Variants in ZFHX3 observed in about 807,000 individuals in gnomAD.
The protein encoded by ZFHX3 is zinc finger homeobox protein 3.
In ZFHX3, 42 loss-of-function variants were observed where a neutral mutation model predicts 279.1. The observed-to-expected ratio is 0.15, with a 90% CI of 0.12 to 0.19. The LOEUF (loss-of-function observed/expected upper bound fraction) is 0.19, where lower values mean the gene tolerates loss of function less well. ZFHX3 is among the 10% of genes least tolerant of loss of function. ZFHX3 has a pLI of 1.00. For missense variants in ZFHX3, 4,981 were observed against 4,754.0 expected (o/e 1.05, Z -1.40); for synonymous variants, 2,293 against 1,957.8 (o/e 1.17, Z -4.52).
chr16:73,837,376 T>C (rs1961170231), intron 1 of ZFHX3, among the ~76,000 whole-genome samples: 1 of 152,370 alleles, frequency 6.6e-6, no homozygotes, highest in East Asian at 1.9e-4. Flanking sequence ...TAACAGGCTG[T>C]GATCTTCCAT....
chr16:73,448,686 GT>G (rs2018231492), intron 3 of ZFHX3, among the ~76,000 whole-genome samples: 1 of 5,038 alleles, frequency 2.0e-4, no homozygotes, highest in African/African-American at 2.9e-4. Context: ...ATTTATATAC[GT>G]GTGTGTGTGT....
chr16:73,339,567 T>C (rs907507324), intron 3 of ZFHX3, among the ~76,000 whole-genome samples: 5 of 152,250 alleles, frequency 3.3e-5, no homozygotes, highest in Non-Finnish European at 1.5e-5. Flanking sequence ...AAAGTACTAA[T>C]ATATTTTTCT....
intron 1 of ZFHX3, among the ~76,000 whole-genome samples, chr16:73,769,346 C>T (rs543363632): frequency 2.0e-5 from 3 of 152,254 alleles, no homozygotes; most frequent in African/African-American, 7.2e-5. Flanking sequence ...AGCTGCTAGG[C>T]CCCTAACGAG....
intron 5 of ZFHX3, among the ~76,000 whole-genome samples, chr16:73,207,890 A>C (rs996684489): frequency 6.6e-6 from 1 of 152,170 alleles, no homozygotes; most frequent in East Asian, 1.9e-4. Flanking sequence ...GAAGAAAAAA[A>C]TTGGCAACAG....
intron 2 of ZFHX3, among the ~76,000 whole-genome samples, chr16:73,557,365 A>G (rs1304822363): frequency 6.6e-6 from 1 of 152,158 alleles, no homozygotes; most frequent in Non-Finnish European, 1.5e-5. Flanking sequence ...ACCTCAAGAG[A>G]GGATTCTTGG....
In ZFHX3 at chr16:72,798,437, C is replaced by T. The variant is rs777586586; in HGVS notation, c.4245G>A (p.Lys1415=). Residue 1415 remains lysine (K), a synonymous_variant, in exon 9 of 10, where the codon AAG becomes AAA. Coordinates refer to ENST00000268489, the MANE Select transcript of ZFHX3 (RefSeq NM_006885.4). ...QCSLAFKTIE[K]LQLHSQYHVI... ...CATGGTACTGAGAATGGAGCTGCAA[C>T]TTTTCAATGGTCTTGAAGGCCAGGC... 1.2e-5 allele frequency: 19 copies of T among 1,614,094 alleles called. No homozygotes were observed. Among genetic ancestry groups the T allele is most frequent in the Non-Finnish European group, 1.5e-5 (18 of 1,180,046 alleles).
intron 1 of ZFHX3, among the ~76,000 whole-genome samples, chr16:73,882,450 A>C (rs901845623): frequency 6.6e-6 from 1 of 151,800 alleles, no homozygotes; most frequent in Non-Finnish European, 1.5e-5. Context: ...AGAAGAATTA[A>C]GCTTTTAAAG....
chr16:73,367,867 C>CT lies in ZFHX3; in HGVS notation c.-1290-49532dup, dbSNP rs10718886. ...ATATACATAGAGGATTAAGGAAGGT[C>CT]TTTTTTTTTTTTTTTTTTTGAGACA... On this transcript the variant is annotated intron_variant, in intron 3 of 17. Coordinates refer to the ZFHX3 transcript ENST00000641206. 6.2e-3 allele frequency among the ~76,000 whole-genome samples: 715 copies of CT among 115,394 alleles called. 20 individuals are homozygous for CT. Among genetic ancestry groups the CT allele is most frequent in the African/African-American group, 0.018 (615 of 33,680 alleles). 75.7% of individuals were successfully genotyped at this position (115,394 alleles called of 152,430 possible). A position where few individuals can be genotyped will look rare whatever the true frequency, so the allele number is the denominator to read the frequency against.
At chr16:72,905,028 C>G (rs554475578) in intron 3 of ZFHX3, among the ~76,000 whole-genome samples, 1 of 152,006 alleles carries the variant, frequency 6.6e-6, no homozygotes, top group East Asian at 1.9e-4. Flanking sequence ...TTGGTAGAGA[C>G]GGGGTTTCAT....
chr16:73,487,914 T>C (rs1036404089), intron 2 of ZFHX3, among the ~76,000 whole-genome samples: 4 of 152,114 alleles, frequency 2.6e-5, no homozygotes, highest in Non-Finnish European at 4.4e-5. Context: ...AGAACCTACA[T>C]GGAAAGAGAG....
intron 2 of ZFHX3, among the ~76,000 whole-genome samples, chr16:73,542,595 T>C: frequency 6.6e-6 from 1 of 152,220 alleles, no homozygotes; most frequent in East Asian, 1.9e-4. Flanking sequence ...AGTGACTTGA[T>C]ATCATTATCT....
rs1597265765 is a variant in ZFHX3, at chr16:73,290,988, T to A, written c.-1194+27252A>T. Among the ~76,000 whole-genome samples, 3 of 152,292 alleles carry A rather than the reference T, an allele frequency of 2.0e-5. No homozygotes were observed. In the East Asian group the frequency reaches 5.8e-4, roughly 29 times the overall value. On this transcript the variant is annotated intron_variant, in intron 4 of 17. Coordinates refer to the ZFHX3 transcript ENST00000641206. ...AACCTTCTGACCAGGGCTGGTGATATCTGCAGCAGATCAGGAGGGCTTAGA... is the reference window on the plus strand; with the variant it reads ...AACCTTCTGACCAGGGCTGGTGATAACTGCAGCAGATCAGGAGGGCTTAGA...
chr16:73,261,668 G>GATTTTTTTTT (rs1242491554), intron 4 of ZFHX3, among the ~76,000 whole-genome samples: 3 of 80,716 alleles, frequency 3.7e-5, no homozygotes, highest in African/African-American at 9.5e-5. Flanking sequence ...TCCTGTGATT[G>GATTTTTTTTT]TTTTTTTTTT....
At chr16:73,697,510 T>C (rs1431034694) in intron 1 of ZFHX3, among the ~76,000 whole-genome samples, 1 of 152,192 alleles carries the variant, frequency 6.6e-6, no homozygotes, top group Non-Finnish European at 1.5e-5. Flanking sequence ...CAAGTTGCTA[T>C]ATACCTGACA....
At chr16:72,826,001 G>C (rs568023571) in intron 5 of ZFHX3, among the ~76,000 whole-genome samples, 1 of 152,256 alleles carries the variant, frequency 6.6e-6, no homozygotes, top group Admixed American at 6.5e-5. Context: ...ATCCCCAGAA[G>C]AATGTTAGAT....
intron 2 of ZFHX3, among the ~76,000 whole-genome samples, chr16:73,517,762 A>G (rs1012336504): frequency 6.6e-6 from 1 of 152,222 alleles, no homozygotes; most frequent in Admixed American, 6.5e-5. Flanking sequence ...AATCTGGTAT[A>G]ACACCAGAAG....
At chr16:73,652,174 G>T (rs939384761) in intron 2 of ZFHX3, among the ~76,000 whole-genome samples, 1 of 152,158 alleles carries the variant, frequency 6.6e-6, no homozygotes, top group African/African-American at 2.4e-5. Flanking sequence ...AAGGAGATTG[G>T]CATGGGGCTT....
chr16:72,941,622 C>T (rs1960413168), intron 3 of ZFHX3, among the ~76,000 whole-genome samples: 3 of 152,038 alleles, frequency 2.0e-5, no homozygotes, highest in Admixed American at 2.0e-4. Context: ...AGTTTGAGAC[C>T]AGCCTGGGCA....
chr16:73,861,313 G>A (rs1322538454), intron 1 of ZFHX3, among the ~76,000 whole-genome samples: 1 of 152,072 alleles, frequency 6.6e-6, no homozygotes, highest in Admixed American at 6.6e-5. Flanking sequence ...AATCAAAATT[G>A]TCTGCTTAAC....
Sources: allele counts gnomAD v4.1 joint callset (sites outside exome capture counted in the v4.1 genomes callset), GRCh38; gene constraint gnomAD v4.1.1; transcripts MANE v1.5; gene names NCBI Gene and HGNC (gene_info 2026-07-23, HGNC 2026-07-21).